MGAT4D: variants seen among roughly 807,000 people sequenced by gnomAD.
The protein encoded by MGAT4D is alpha-1,3-mannosyl-glycoprotein 4-beta-N-acetylglucosaminyltransferase-like protein MGAT4D.
Under a neutral mutation model 15.9 loss-of-function variants are expected in MGAT4D, and 34 were observed. The observed-to-expected ratio is 2.14, with a 90% CI of 1.62 to 2.84. The LOEUF is 2.84. Ranked by LOEUF, MGAT4D falls within the 30% of genes most tolerant of loss-of-function variation. The probability of loss-of-function intolerance (pLI) is 0.00; values close to 1 mark genes in which losing one functional copy is unlikely to be tolerated. For synonymous variants in MGAT4D, 112 were observed against 48.2 expected (o/e 2.33, Z -5.49); for missense variants, 327 against 140.2 (o/e 2.33, Z -6.73).
At chr4:140,487,222 A>G (rs1198345439) in intron 1 of MGAT4D, among the ~76,000 whole-genome samples, 1 of 152,270 alleles carries the variant, frequency 6.6e-6, no homozygotes, top group Non-Finnish European at 1.5e-5. Flanking sequence ...ATGAAATGTT[A>G]TAACACTATT....
chr4:140,491,554 C>T (rs1268768453), intron 1 of MGAT4D, among the ~76,000 whole-genome samples: 1 of 151,956 alleles, frequency 6.6e-6, no homozygotes, highest in African/African-American at 2.4e-5. Flanking sequence ...CAGCTTGAAG[C>T]ACCAAAGACA....
At chr4:140,466,883 T>C (rs1158798885) in intron 5 of MGAT4D, among the ~76,000 whole-genome samples, 1 of 152,158 alleles carries the variant, frequency 6.6e-6, no homozygotes, top group African/African-American at 2.4e-5. Context: ...GAATAGCATA[T>C]TGTGCTAGAG....
rs112409532 is a variant in MGAT4D, at chr4:140,449,058, C to A, written c.1116+2352G>T. Among the ~76,000 whole-genome samples the A allele has an allele frequency of 6.6e-3, 1,009 of 152,274 alleles. 8 individuals are homozygous for A. Among genetic ancestry groups the A allele is most frequent in the African/African-American group, 0.022 (929 of 41,538 alleles). Reference sequence around the variant, plus strand: ...ACATTTAAATAATTGGCCCTATGCCCAGTGCACTGTAATAAATGGAAAATG... The same window carrying A: ...ACATTTAAATAATTGGCCCTATGCCAAGTGCACTGTAATAAATGGAAAATG... On this transcript the variant is annotated intron_variant, in intron 10 of 10. Transcript: ENST00000511113.
intron 9 of MGAT4D, among the ~76,000 whole-genome samples, chr4:140,453,443 C>G (rs558968960): frequency 5.9e-5 from 9 of 151,700 alleles, no homozygotes; most frequent in Non-Finnish European, 1.3e-4. Flanking sequence ...AGCATATAGA[C>G]AATATACATA....
At chr4:140,483,779 A>G (rs1732904505) in intron 1 of MGAT4D, among the ~76,000 whole-genome samples, 1 of 152,158 alleles carries the variant, frequency 6.6e-6, no homozygotes, top group South Asian at 2.1e-4. Flanking sequence ...TGTCTTCAAT[A>G]AAAACGTGTT....
At chr4:140,465,709 G>T (rs72939884) in intron 5 of MGAT4D, among the ~76,000 whole-genome samples, 4 of 152,114 alleles carry the variant, frequency 2.6e-5, no homozygotes, top group Admixed American at 1.3e-4. Context: ...CATGTTAAAG[G>T]TTCAAGGAAA....
At chr4:140,497,984 ACGCGGGCCTCCCAGTGCCAG>A in intron 1 of MGAT4D, 125 bp downstream of exon 1, 1 of 519,338 alleles carries the variant, frequency 1.9e-6, no homozygotes, top group Non-Finnish European at 3.4e-6. Flanking sequence ...GAAGGCACCG[ACGCGGGCCTCCCAGTGCCAG>A]CGCGGGCGGC....
At position 140,456,679 on chromosome 4, in the gene MGAT4D, C is replaced by A. The variant is rs1332299970; in HGVS notation, c.918G>T (p.Arg306=). The change falls in exon 9 of 11, where the codon CGG becomes CGT. Residue 306 remains arginine (R), a synonymous_variant. Transcript: ENST00000511113. ...FRSEDLTHFV[R]FFLMFYKEKP... Reference sequence around the variant, plus strand: ...TCTCTTTGTAGAACATTAAAAAAAACCGTACAAAGTGAGTTAAGTCCTCAG... The same window carrying A: ...TCTCTTTGTAGAACATTAAAAAAAAACGTACAAAGTGAGTTAAGTCCTCAG... 2.9e-6 allele frequency: 2 copies of A among 694,358 alleles called. No individual in the cohort carries two copies. The highest frequency in any genetic ancestry group is 2.3e-4 in the Middle Eastern group (1 of 4,338). 43.0% of individuals were successfully genotyped at this position (694,358 alleles called of 1,614,324 possible). A position where few individuals can be genotyped will look rare whatever the true frequency, so the allele number is the denominator to read the frequency against.
In MGAT4D at chr4:140,451,427, T is replaced by C; in HGVS notation, c.1099A>G (p.Lys367Glu). Residue 367 changes from lysine to glutamate, a missense_variant, in exon 10 of 11, where the codon AAA becomes GAA. By Grantham distance (56) the Lys-to-Glu change is moderately conservative. Transcript: ENST00000511113. ...HVGIHSSFPR[K>E]EQYEKKI is the part of the protein sequence containing the mutation. The stretch of plus-strand genomic sequence containing the variant: ...AATCTTACTTTTTCATATTGTTCTT[T>C]TCTAGGGAATGATGAATGTATACCC... 1 of 610,218 alleles carries C rather than the reference T, an allele frequency of 1.6e-6. No homozygotes were observed. Among genetic ancestry groups the C allele is most frequent in the Non-Finnish European group, 3.0e-6 (1 of 336,076 alleles). The allele number at this position is 610,218 out of a possible 1,614,324, so 37.8% of individuals were successfully genotyped here.
intron 1 of MGAT4D, among the ~76,000 whole-genome samples, chr4:140,493,327 G>A (rs1028505902): frequency 4.0e-5 from 5 of 125,818 alleles, no homozygotes; most frequent in Non-Finnish European, 6.3e-5. Flanking sequence ...ATGGAGTCTC[G>A]TTCTGTCACC....
intron 4 of MGAT4D, among the ~76,000 whole-genome samples, chr4:140,473,447 G>C (rs1732106785): frequency 6.6e-6 from 1 of 152,128 alleles, no homozygotes; most frequent in Admixed American, 6.5e-5. Flanking sequence ...CTTACTATGT[G>C]CCACACATCA....
chr4:140,484,080 G>A (rs1732930170), intron 1 of MGAT4D, among the ~76,000 whole-genome samples: 1 of 152,088 alleles, frequency 6.6e-6, no homozygotes, highest in Admixed American at 6.6e-5. Flanking sequence ...AGACAACATG[G>A]ATTGAAAATA....
At chr4:140,466,262 A>G (rs1258905071) in intron 5 of MGAT4D, among the ~76,000 whole-genome samples, 1 of 152,328 alleles carries the variant, frequency 6.6e-6, no homozygotes, top group East Asian at 1.9e-4. Context: ...GATGCAACAA[A>G]GGGAACTTAG....
At chr4:140,493,961 G>A (rs1733671304) in intron 1 of MGAT4D, among the ~76,000 whole-genome samples, 3 of 152,194 alleles carry the variant, frequency 2.0e-5, no homozygotes, top group Non-Finnish European at 4.4e-5. Context: ...CCAGCCACAG[G>A]GCCAGGATTG....
chr4:140,456,365 T>G (rs1397948619), intron 9 of MGAT4D, among the ~76,000 whole-genome samples: 2 of 152,144 alleles, frequency 1.3e-5, no homozygotes, highest in African/African-American at 4.8e-5. Flanking sequence ...TTTTTTTTTC[T>G]ATTTGTTCAC....
chr4:140,466,969 T>G (rs1428482864), intron 5 of MGAT4D, among the ~76,000 whole-genome samples: 1 of 152,116 alleles, frequency 6.6e-6, no homozygotes, highest in East Asian at 1.9e-4. Flanking sequence ...AAGGAAGTAA[T>G]TTATTTTTTC....
intron 1 of MGAT4D, among the ~76,000 whole-genome samples, chr4:140,494,705 T>TC (rs1254983194): frequency 6.6e-6 from 1 of 152,200 alleles, no homozygotes; most frequent in Non-Finnish European, 1.5e-5. Context: ...TTTAAGCCAC[T>TC]CATTCTCAAC....
chr4:140,486,515 G>A (rs1053286013), intron 1 of MGAT4D, among the ~76,000 whole-genome samples: 15 of 151,840 alleles, frequency 9.9e-5, no homozygotes, highest in Admixed American at 7.2e-4. Flanking sequence ...AACAGGCCCC[G>A]GTGTGTGATG....
At chr4:140,466,914 A>G (rs1731573632) in intron 5 of MGAT4D, among the ~76,000 whole-genome samples, 1 of 152,152 alleles carries the variant, frequency 6.6e-6, no homozygotes. Context: ...TTTTAGACCT[A>G]GAAAAGTCTC....
Sources: allele counts gnomAD v4.1 joint callset (sites outside exome capture counted in the v4.1 genomes callset), GRCh38; gene constraint gnomAD v4.1.1; transcripts MANE v1.5; gene names NCBI Gene and HGNC (gene_info 2026-07-23, HGNC 2026-07-21).